The following DACT2 variants were observed in gnomAD, a reference collection of about 807,000 sequenced individuals.
DACT2 encodes dishevelled binding antagonist of beta catenin 2.
Under a neutral mutation model 22.2 loss-of-function variants are expected in DACT2, and 20 were observed. The ratio of observed to expected loss-of-function variants is 0.90; its 90% confidence interval spans 0.63 to 1.31. DACT2 has a LOEUF of 1.31. Among genes scored for constraint, DACT2 ranks in the 50% most tolerant of loss-of-function variants. DACT2 has a pLI of 0.00. For synonymous variants in DACT2, 463 were observed against 479.8 expected (o/e 0.96, Z 0.46); for missense variants, 1,048 against 1,061.4 (o/e 0.99, Z 0.18).
intron 3 of DACT2, among the ~76,000 whole-genome samples, chr6:168,295,255 A>T (rs1356369227): frequency 1.3e-5 from 2 of 152,206 alleles, no homozygotes; most frequent in African/African-American, 4.8e-5. Context: ...GTATTTTCTC[A>T]AATAGAATCG....
downstream of DACT2, among the ~76,000 whole-genome samples, chr6:168,304,915 C>T (rs946195175): frequency 7.9e-5 from 12 of 152,312 alleles, no homozygotes; most frequent in Admixed American, 3.3e-4. Flanking sequence ...CCGAGGACCC[C>T]CATGGAATCT....
At chr6:168,303,264 G>C (rs186137055), downstream of DACT2, among the ~76,000 whole-genome samples, 385 of 152,256 alleles carry the variant, frequency 2.5e-3, 2 homozygotes, top group Non-Finnish European at 4.1e-3. Context: ...TATGGTTTGC[G>C]TGTGGTTTGT....
chr6:168,311,160 G>C lies in DACT2; in HGVS notation c.371C>G (p.Pro124Arg). The change falls in exon 2 of 4, where the codon CCC becomes CGC. Residue 124 changes from proline (P) to arginine (R), a missense_variant. By Grantham distance (103) the Pro-to-Arg change is moderately radical (BLOSUM62 -2). Coordinates refer to ENST00000366795, the MANE Select transcript of DACT2 (RefSeq NM_214462.5). Reference protein sequence around the residue: ...SGEALDSDSRPSSGFYEMSDG... With the variant: ...SGEALDSDSRRSSGFYEMSDG... ...TCAGGGCGCCCTGGTACCTGAGCTG[G>C]GCCTGCTGTCGCTGTCCAGGGCCTC... 1 of 1,530,698 alleles carries C rather than the reference G, an allele frequency of 6.5e-7. No homozygotes were observed. Among genetic ancestry groups the C allele is most frequent in the Non-Finnish European group, 8.8e-7 (1 of 1,134,018 alleles). The allele number at this position is 1,530,698 out of a possible 1,614,324, so 94.8% of individuals were successfully genotyped here.
At position 168,308,675 on chromosome 6, in the gene DACT2, G is replaced by C; in HGVS notation, c.1082C>G (p.Ala361Gly). Reference sequence around the variant, plus strand: ...ACCCTGCCTCTGTGGAGATGGGGACGCTGCATGCCTTAGAGGTCCCTGTTC... The same window carrying C: ...ACCCTGCCTCTGTGGAGATGGGGACCCTGCATGCCTTAGAGGTCCCTGTTC... ...EGEQGPLRHA[A>G]SPSPQRQGGW... Residue 361 changes from alanine to glycine, a missense_variant, in exon 4 of 4, where the codon GCG becomes GGG. Physicochemically the swap from Ala to Gly is moderately conservative, Grantham distance 60 (BLOSUM62 0). Transcript: ENST00000366795. 6.5e-7 allele frequency: 1 copy of C among 1,545,262 alleles called. No individual in the cohort carries two copies. Among genetic ancestry groups the C allele is most frequent in the Non-Finnish European group, 8.7e-7 (1 of 1,146,854 alleles).
intron 3 of DACT2, among the ~76,000 whole-genome samples, chr6:168,309,312 C>CAGACGGGAATGCGTTTAAGACACAGCGT (rs1562496823): frequency 2.2e-4 from 33 of 151,342 alleles, no homozygotes; most frequent in African/African-American, 8.0e-4. Context: ...AGACACTGGG[C>CAGACGGGAATGCGTTTAAGACACAGCGT]GCGGGGCAGA....
chr6:168,318,262 CA>C (rs1368226107), intron 1 of DACT2, among the ~76,000 whole-genome samples: 4 of 152,252 alleles, frequency 2.6e-5, no homozygotes, highest in South Asian at 2.1e-4. Flanking sequence ...CAGGAGGCAT[CA>C]GGGGCAGAGT....
chr6:168,303,590 G>A (rs549919764), downstream of DACT2, among the ~76,000 whole-genome samples: 5 of 152,276 alleles, frequency 3.3e-5, no homozygotes, highest in East Asian at 9.7e-4. Context: ...GCCACTGCCT[G>A]TCTAACTTTC....
At position 168,310,249 on chromosome 6, in the gene DACT2, C is replaced by G. The variant is rs745550369; in HGVS notation, c.577G>C (p.Glu193Gln). ...TVPAWRPQAT[E>Q]EGARPPGSVE... ...CTCCCTGGGGGCCTGGCGCCCTCCT[C>G]GGTAGCCTGGGGTCTCCACGCTGGC... Residue 193 changes from glutamate (E) to glutamine (Q), a missense_variant, in exon 3 of 4, where the codon GAG becomes CAG. Transcript: ENST00000366795. The G allele has an allele frequency of 1.3e-6, 2 of 1,551,368 alleles. No homozygotes were observed.
At chr6:168,312,039 C>T (rs1779433096) in intron 1 of DACT2, among the ~76,000 whole-genome samples, 1 of 152,200 alleles carries the variant, frequency 6.6e-6, no homozygotes, top group Non-Finnish European at 1.5e-5. Flanking sequence ...AAAAGCTCCC[C>T]CTTCACTATA....
In DACT2 at chr6:168,308,819, C is replaced by A; in HGVS notation, c.938G>T (p.Gly313Val). Residue 313 changes from glycine (G) to valine (V), a missense_variant, in exon 4 of 4, where the codon GGT becomes GTT. Coordinates refer to ENST00000366795, the MANE Select transcript of DACT2 (RefSeq NM_214462.5). ...FPRESPRGPA[G>V]LNTIQTGPVL... ...CGGCCCAGTCTGGATGGTGTTCAGACCTGCGGGGCCCCTGGGGCTCTCCCT... is the reference window on the plus strand; with the variant it reads ...CGGCCCAGTCTGGATGGTGTTCAGAACTGCGGGGCCCCTGGGGCTCTCCCT... 1 of 1,551,368 alleles carries A rather than the reference C, an allele frequency of 6.4e-7. No individual in the cohort carries two copies. Among genetic ancestry groups the A allele is most frequent in the South Asian group, 1.2e-5 (1 of 84,062 alleles).
At position 168,308,916 on chromosome 6, in the gene DACT2, C is replaced by G. The variant is rs748077283; in HGVS notation, c.841G>C (p.Ala281Pro). ...EVYPYPSPLH[A>P]VALQSPLFVL... is the part of the protein sequence containing the mutation. ...AACAGGGGGCTCTGTAGAGCCACGG[C>G]GTGCAGGGGGCTGGGGTACGGGTAC... is the stretch of plus-strand genomic sequence containing the variant. Residue 281 changes from alanine to proline, a missense_variant, in exon 4 of 4, where the codon GCC becomes CCC. Ala to Pro is a conservative substitution (Grantham distance 27). Transcript: ENST00000366795. 11 of 1,550,608 alleles carry G rather than the reference C, an allele frequency of 7.1e-6. No individual in the cohort carries two copies. The highest frequency in any genetic ancestry group is 9.6e-6 in the Non-Finnish European group (11 of 1,146,878).
In DACT2 at chr6:168,301,693, G is replaced by A. The variant is rs917910806; in HGVS notation, c.659-6989C>T. Among the ~76,000 whole-genome samples the A allele has an allele frequency of 3.9e-5, 6 of 152,232 alleles. 1 individual carries two copies. The South Asian group carries it at 1.2e-3, about 32-fold the overall frequency. Reference sequence around the variant, plus strand: ...AGAGCCTGGCCTCCAACAGGGCACAGCTGGGGCTCTGTGTGTTCACGGGAA... The same window carrying A: ...AGAGCCTGGCCTCCAACAGGGCACAACTGGGGCTCTGTGTGTTCACGGGAA... On this transcript the variant is annotated intron_variant, in intron 3 of 5. Coordinates refer to the DACT2 transcript ENST00000366796.
At chr6:168,301,205 GC>G (rs1371929723) in intron 3 of DACT2, among the ~76,000 whole-genome samples, 5 of 152,140 alleles carry the variant, frequency 3.3e-5, no homozygotes, top group Non-Finnish European at 7.4e-5. Context: ...GCCTGTGTGG[GC>G]CTCTCTCACA....
chr6:168,308,780 C>T lies in DACT2; in HGVS notation c.977G>A (p.Gly326Asp). 6.4e-7 allele frequency: 1 copy of T among 1,551,440 alleles called. No homozygotes were observed. The highest frequency in any genetic ancestry group is 2.4e-5 in the East Asian group (1 of 40,916). The change falls in exon 4 of 4, where the codon GGC (glycine) becomes GAC (aspartate). Residue 326 changes from glycine to aspartate, a missense_variant. Coordinates refer to ENST00000366795, the MANE Select transcript of DACT2 (RefSeq NM_214462.5). Reference protein sequence around the residue: ...TIQTGPVLEAGPARARAYIDR... With the variant: ...TIQTGPVLEADPARARAYIDR... Reference sequence around the variant, plus strand: ...GATATAAGCTCTGGCCCTGGCCGGGCCAGCCTCGAGGACCGGCCCAGTCTG... The same window carrying T: ...GATATAAGCTCTGGCCCTGGCCGGGTCAGCCTCGAGGACCGGCCCAGTCTG...
At position 168,307,705 on chromosome 6, in the gene DACT2, T is replaced by TCC. The variant is rs1262665178; in HGVS notation, c.2050_2051dup (p.Ser687ProfsTer71). 17 of 1,550,228 alleles carry TCC rather than the reference T, an allele frequency of 1.1e-5. No individual in the cohort carries two copies. Among genetic ancestry groups the TCC allele is most frequent in the Non-Finnish European group, 1.3e-5 (15 of 1,146,872 alleles). ...GGTTGGTGGTGTGGTCACTGGACTC[T>TCC]CCCTCGCTGGTCTCCGGGATGACTG... On this transcript the variant is annotated frameshift_variant, in exon 4 of 4. Transcript: ENST00000366795. LOFTEE classifies it low-confidence loss of function (END_TRUNC). This position sits in a 1 kb window ranked among gnomAD's most constrained non-coding sequence, Gnocchi z 5.3.
Position 168,311,160 on chromosome 6 carries a change from G to A in DACT2, c.371C>T (p.Pro124Leu), listed in dbSNP as rs1387958942. Reference protein sequence around the residue: ...SGEALDSDSRPSSGFYEMSDG... With the variant: ...SGEALDSDSRLSSGFYEMSDG... ...TCAGGGCGCCCTGGTACCTGAGCTG[G>A]GCCTGCTGTCGCTGTCCAGGGCCTC... The change falls in exon 2 of 4, where the codon CCC (proline) becomes CTC (leucine). Residue 124 changes from proline to leucine, a missense_variant. By Grantham distance (98) the Pro-to-Leu change is moderately conservative. Coordinates refer to ENST00000366795, the MANE Select transcript of DACT2 (RefSeq NM_214462.5). 6.5e-7 allele frequency: 1 copy of A among 1,530,698 alleles called. No homozygotes were observed. Among genetic ancestry groups the A allele is most frequent in the East Asian group, 2.5e-5 (1 of 40,382 alleles). 94.8% of individuals were successfully genotyped at this position (1,530,698 alleles called of 1,614,324 possible).
At chr6:168,311,084 G>A (rs1477756638) in intron 2 of DACT2, 68 bp downstream of exon 2, 3 of 1,435,916 alleles carry the variant, frequency 2.1e-6, no homozygotes, top group Non-Finnish European at 2.7e-6. Context: ...GGGCTGGCGG[G>A]ATAGGCTTCA....
At chr6:168,310,039 C>T in intron 3 of DACT2, 129 bp downstream of exon 3, 1 of 1,396,996 alleles carries the variant, frequency 7.2e-7, no homozygotes, top group Non-Finnish European at 9.4e-7. Context: ...GGAGGCCTTC[C>T]AGCGTCCCTT....
chr6:168,313,797 C>A (rs967402104), intron 1 of DACT2, among the ~76,000 whole-genome samples: 1 of 152,172 alleles, frequency 6.6e-6, no homozygotes, highest in Admixed American at 6.5e-5. Flanking sequence ...TCCCCCAGCC[C>A]CGTTCCCGCC....
Sources: gnomAD v4.1 joint callset for allele counts (sites outside exome capture counted in the v4.1 genomes callset) on GRCh38, gnomAD v4.1.1 for gene constraint, Gnocchi (gnomAD v3.1) non-coding constraint, MANE v1.5 for transcripts, NCBI Gene and HGNC (gene_info 2026-07-23, HGNC 2026-07-21) for gene names.